Variants in KCNG2 observed in about 807,000 individuals in gnomAD.
KCNG2 encodes the protein potassium voltage-gated channel modifier subfamily G member 2.
KCNG2 carries 7 observed loss-of-function variants against 12.3 expected under a neutral mutation model. The ratio of observed to expected loss-of-function variants is 0.57; its 90% CI spans 0.32 to 1.07. KCNG2 has a LOEUF of 1.07. Among genes scored for constraint, KCNG2 ranks in the 50% least tolerant of loss-of-function variants. KCNG2 has a pLI of 0.04. For missense variants in KCNG2, 703 were observed against 726.0 expected (o/e 0.97, Z 0.36); for synonymous variants, 414 against 351.4 (o/e 1.18, Z -1.99).
At position 79,896,778 on chromosome 18, in the gene KCNG2, TTCTC is replaced by T. The variant is rs369384555; in HGVS notation, c.625-2258_625-2255del. 1.7e-3 allele frequency among the ~76,000 whole-genome samples: 260 copies of T among 152,316 alleles called. 2 individuals carry two copies. The highest frequency in any genetic ancestry group is 5.1e-3 in the African/African-American group (212 of 41,576). ...GTGAGGCAGGTCTGCTAGCAGTGAATTCTCTCTATTTTTGTTTACCTGGGAAAGT... is the reference window on the plus strand; with the variant it reads ...GTGAGGCAGGTCTGCTAGCAGTGAATTCTATTTTTGTTTACCTGGGAAAGT... On this transcript the variant is annotated intron_variant, in intron 3 of 3. Coordinates refer to ENST00000316249, the MANE Select transcript of KCNG2 (RefSeq NM_012283.2).
intron 1 of KCNG2, among the ~76,000 whole-genome samples, chr18:79,830,329 G>A (rs1432003550): frequency 2.6e-5 from 4 of 152,218 alleles, no homozygotes; most frequent in South Asian, 2.1e-4. Flanking sequence ...TGAAAGGGGC[G>A]CCTGTGACGA....
chr18:79,858,054 G>T (rs375611979), intron 2 of KCNG2, among the ~76,000 whole-genome samples: 1 of 151,996 alleles, frequency 6.6e-6, no homozygotes. Flanking sequence ...AGGCTGGAGC[G>T]CAGTGGCGTG....
Position 79,899,416 on chromosome 18 carries a change from C to T in KCNG2, c.1001C>T (p.Ala334Val), listed in dbSNP as rs768233139. The T allele has an allele frequency of 5.7e-6, 9 of 1,585,956 alleles. No homozygotes were observed. The Admixed American group carries it at 8.8e-5, about 15-fold the overall frequency. Residue 334 changes from alanine to valine, a missense_variant, in exon 4 of 4, where the codon GCG becomes GTG. By Grantham distance (64) the Ala-to-Val change is moderately conservative. Transcript: ENST00000316249. The part of the protein sequence containing the change: ...LLLLFLCVAM[A>V]LFAPLVHLAE... ...CTGCTGTTCCTCTGCGTGGCCATGG[C>T]GCTCTTCGCGCCACTGGTGCACCTG... is the stretch of plus-strand genomic sequence containing the variant.
intron 1 of KCNG2, among the ~76,000 whole-genome samples, chr18:79,828,949 G>A (rs62648806): frequency 9.5e-5 from 8 of 83,954 alleles, no homozygotes; most frequent in Non-Finnish European, 1.4e-4. Context: ...TAACGTGTCT[G>A]TGTGTGCATG....
At chr18:79,858,223 A>G (rs1303495789) in intron 2 of KCNG2, among the ~76,000 whole-genome samples, 1 of 152,094 alleles carries the variant, frequency 6.6e-6, no homozygotes, top group Non-Finnish European at 1.5e-5. Flanking sequence ...GCTGGTCTCA[A>G]ACTCCTGACC....
intron 3 of KCNG2, among the ~76,000 whole-genome samples, chr18:79,873,934 A>G (rs1206642161): frequency 6.6e-6 from 1 of 152,214 alleles, no homozygotes; most frequent in East Asian, 1.9e-4. Context: ...TGCTGAGGCC[A>G]CTGAAGAGTC....
chr18:79,830,838 C>T (rs35367255), intron 1 of KCNG2, among the ~76,000 whole-genome samples: 1 of 125,168 alleles, frequency 8.0e-6, no homozygotes, highest in African/African-American at 3.0e-5. Context: ...TCGTCAGGAG[C>T]GTTCTCTGCG....
Position 79,899,798 on chromosome 18 carries a change from G to T in KCNG2, c.1383G>T (p.Trp461Cys). 7.0e-7 allele frequency: 1 copy of T among 1,422,524 alleles called. No individual in the cohort carries two copies. Among genetic ancestry groups the T allele is most frequent in the Non-Finnish European group, 9.1e-7 (1 of 1,096,512 alleles). 88.1% of individuals were successfully genotyped at this position (1,422,524 alleles called of 1,614,324 possible). ...CCGACGACTCCGCGGATGCGCTGTGGGTGCGGGCAGGGCGCTGACGCCTGC... is the reference window on the plus strand; with the variant it reads ...CCGACGACTCCGCGGATGCGCTGTGTGTGCGGGCAGGGCGCTGACGCCTGC... Reference protein sequence around the residue: ...GLADDSADALWVRAGR With the variant: ...GLADDSADALCVRAGR Residue 461 changes from tryptophan to cysteine, a missense_variant, in exon 4 of 4, where the codon TGG becomes TGT. Trp to Cys is a radical substitution (Grantham distance 215, BLOSUM62 -2). Coordinates refer to ENST00000316249, the MANE Select transcript of KCNG2 (RefSeq NM_012283.2).
At chr18:79,846,931 G>T (rs183401612) in intron 1 of KCNG2, among the ~76,000 whole-genome samples, 53 of 148,776 alleles carry the variant, frequency 3.6e-4, no homozygotes, top group African/African-American at 1.2e-3. Context: ...TGTGTAGGTC[G>T]CAAGGGTCTC....
At chr18:79,860,126 C>T (rs1979159566) in intron 2 of KCNG2, among the ~76,000 whole-genome samples, 1 of 152,100 alleles carries the variant, frequency 6.6e-6, no homozygotes, top group African/African-American at 2.4e-5. Context: ...GGGTAGGTAC[C>T]ACACACTTTT....
At chr18:79,835,143 T>C (rs142908865) in intron 1 of KCNG2, among the ~76,000 whole-genome samples, 15 of 152,270 alleles carry the variant, frequency 9.9e-5, no homozygotes, top group African/African-American at 3.6e-4. Flanking sequence ...CAGAAGCCTC[T>C]TGGGGAATGT....
chr18:79,821,745 T>C (rs773844841), intron 1 of KCNG2, among the ~76,000 whole-genome samples: 3 of 152,158 alleles, frequency 2.0e-5, no homozygotes, highest in Non-Finnish European at 4.4e-5. Context: ...TGATCATAGG[T>C]GTAGGGCTCA....
intron 1 of KCNG2, among the ~76,000 whole-genome samples, chr18:79,825,982 C>T (rs928444772): frequency 6.6e-6 from 1 of 152,236 alleles, no homozygotes; most frequent in Non-Finnish European, 1.5e-5. Flanking sequence ...CTTTGAAACG[C>T]TGTGTCCAGG....
At position 79,874,572 on chromosome 18, in the gene KCNG2, G is replaced by A. The variant is rs546322203; in HGVS notation, c.624+10281G>A. ...AACAAAGAGAAAAGTGCAAAGCGGGGGGCCCACCCCAGAATTGATTCTCTC... is the reference window on the plus strand; with the variant it reads ...AACAAAGAGAAAAGTGCAAAGCGGGAGGCCCACCCCAGAATTGATTCTCTC... On this transcript the variant is annotated intron_variant, in intron 3 of 3. Transcript: ENST00000316249. Among the ~76,000 whole-genome samples, 18 of 152,348 alleles carry A rather than the reference G, an allele frequency of 1.2e-4. No homozygotes were observed. In the South Asian group the frequency reaches 3.3e-3, roughly 28 times the overall value.
At chr18:79,824,680 G>C (rs2087598744) in intron 1 of KCNG2, among the ~76,000 whole-genome samples, 1 of 152,142 alleles carries the variant, frequency 6.6e-6, no homozygotes, top group African/African-American at 2.4e-5. Flanking sequence ...TCAACGCCCT[G>C]AGTATTCATC....
rs753255677 is a variant in KCNG2, at chr18:79,838,413, CT to C, written c.-114-17951del. Among the ~76,000 whole-genome samples, 586 of 142,224 alleles carry C rather than the reference CT, an allele frequency of 4.1e-3. 1 individual carries two copies. The highest frequency in any genetic ancestry group is 0.011 in the Middle Eastern group (3 of 280). 93.3% of individuals were successfully genotyped at this position (142,224 alleles called of 152,430 possible). Reference sequence around the variant, plus strand: ...TAAATAATCCTTGGGCCAAACAAGTCTTTTTTTTTTTTTTTCCTGAGACAAT... The same window carrying C: ...TAAATAATCCTTGGGCCAAACAAGTCTTTTTTTTTTTTTTCCTGAGACAAT... On this transcript the variant is annotated intron_variant, in intron 1 of 3. Coordinates refer to ENST00000316249, the MANE Select transcript of KCNG2 (RefSeq NM_012283.2).
rs1163725741 is a variant in KCNG2 at position 79,803,492 on chromosome 18, A to C, written c.-115+5478A>C. Among the ~76,000 whole-genome samples, 2 of 152,216 alleles carry C rather than the reference A, an allele frequency of 1.3e-5. No homozygotes were observed. Among genetic ancestry groups the C allele is most frequent in the African/African-American group, 4.8e-5 (2 of 41,446 alleles). ...TTCTTTAATACTTGCCAAATTAGAAACGGAAACATTCTAGGGTGAAGAAAA... is the reference window on the plus strand; with the variant it reads ...TTCTTTAATACTTGCCAAATTAGAACCGGAAACATTCTAGGGTGAAGAAAA... On this transcript the variant is annotated intron_variant, in intron 1 of 3. Coordinates refer to ENST00000316249, the MANE Select transcript of KCNG2 (RefSeq NM_012283.2). This position sits in a 1 kb window ranked among gnomAD's most constrained non-coding sequence, Gnocchi z 4.5.
intron 3 of KCNG2, among the ~76,000 whole-genome samples, chr18:79,881,611 C>T (rs1980299205): frequency 6.6e-6 from 1 of 152,212 alleles, no homozygotes; most frequent in Non-Finnish European, 1.5e-5. Flanking sequence ...CTGATAAAGA[C>T]TGAAATCAAC....
intron 3 of KCNG2, among the ~76,000 whole-genome samples, chr18:79,872,598 A>G (rs1466798006): frequency 6.6e-6 from 1 of 152,132 alleles, no homozygotes; most frequent in Non-Finnish European, 1.5e-5. Context: ...CTTTTTCCAT[A>G]AAATCCCTCC....
Sources: allele counts gnomAD v4.1 joint callset (sites outside exome capture counted in the v4.1 genomes callset), GRCh38; gene constraint gnomAD v4.1.1; non-coding constraint Gnocchi (gnomAD v3.1); transcripts MANE v1.5; gene names NCBI Gene and HGNC (gene_info 2026-07-23, HGNC 2026-07-21).